COL24A1: variants seen among roughly 807,000 people sequenced by gnomAD.
The protein encoded by COL24A1 is collagen type XXIV alpha 1 chain.
Under a neutral mutation model 253.9 loss-of-function variants are expected in COL24A1, and 224 were observed. The ratio of observed to expected loss-of-function variants is 0.88; its 90% CI spans 0.79 to 0.99. COL24A1 has a LOEUF of 0.99. Among genes scored for constraint, COL24A1 ranks in the 50% least tolerant of loss-of-function variants. The pLI is 0.00. For synonymous variants in COL24A1, 685 were observed against 673.7 expected (o/e 1.02, Z -0.26); for missense variants, 2,131 against 2,068.5 (o/e 1.03, Z -0.59).
At chr1:85,934,454 C>A (rs1249395183) in intron 24 of COL24A1, among the ~76,000 whole-genome samples, 1 of 152,084 alleles carries the variant, frequency 6.6e-6, no homozygotes, top group African/African-American at 2.4e-5. Context: ...TTATACACTT[C>A]TTTGTGAACA....
intron 37 of COL24A1, among the ~76,000 whole-genome samples, chr1:85,859,170 T>C (rs952555886): frequency 6.6e-6 from 1 of 152,186 alleles, no homozygotes; most frequent in African/African-American, 2.4e-5. Flanking sequence ...TGCTGTAACA[T>C]TAACATTCAT....
chr1:85,754,736 C>T (rs1017967073), intron 55 of COL24A1, among the ~76,000 whole-genome samples: 2 of 151,394 alleles, frequency 1.3e-5, no homozygotes, highest in African/African-American at 4.9e-5. Context: ...CAGAAGTAAG[C>T]ACCAGTTAAC....
chr1:85,966,053 T>C lies in COL24A1; in HGVS notation c.2464-991A>G, dbSNP rs533715781. 1.1e-3 allele frequency among the ~76,000 whole-genome samples: 174 copies of C among 152,214 alleles called. 1 individual carries two copies. Among genetic ancestry groups the C allele is most frequent in the African/African-American group, 4.0e-3 (165 of 41,542 alleles). The stretch of plus-strand genomic sequence containing the variant: ...CCAGGGTAGAAGAAGAGAGTCCAAA[T>C]AAGCGTCTAGTACAATAATCCAAGT... On this transcript the variant is annotated intron_variant, in intron 22 of 59. Coordinates refer to ENST00000370571, the MANE Select transcript of COL24A1 (RefSeq NM_152890.7).
chr1:85,791,448 A>G (rs933582234), intron 47 of COL24A1, among the ~76,000 whole-genome samples: 9 of 152,144 alleles, frequency 5.9e-5, no homozygotes, highest in Non-Finnish European at 1.0e-4. Flanking sequence ...TAAATTTGGA[A>G]AGCATATGGT....
chr1:86,111,428 C>G (rs1025141201), intron 5 of COL24A1, among the ~76,000 whole-genome samples: 1 of 151,208 alleles, frequency 6.6e-6, no homozygotes, highest in African/African-American at 2.4e-5. Flanking sequence ...ATGGACCAAT[C>G]AGCACTCAGT....
intron 28 of COL24A1, among the ~76,000 whole-genome samples, chr1:85,899,794 G>T (rs1684092965): frequency 6.6e-6 from 1 of 152,128 alleles, no homozygotes; most frequent in African/African-American, 2.4e-5. Context: ...TCTTGTTTGG[G>T]CACAGAAATC....
intron 55 of COL24A1, among the ~76,000 whole-genome samples, chr1:85,755,785 C>G (rs1196667871): frequency 6.6e-6 from 1 of 151,518 alleles, no homozygotes; most frequent in African/African-American, 2.4e-5. Context: ...AGAGGTAAAA[C>G]TATAAAATTA....
intron 7 of COL24A1, among the ~76,000 whole-genome samples, chr1:86,082,946 T>C (rs1702760356): frequency 6.6e-6 from 1 of 151,852 alleles, no homozygotes; most frequent in Non-Finnish European, 1.5e-5. Context: ...ATAATTCGGA[T>C]TTTGGAGCAC....
chr1:85,745,259 G>A (rs1472928170), intron 56 of COL24A1, among the ~76,000 whole-genome samples, 182 bp downstream of exon 56: 2 of 151,796 alleles, frequency 1.3e-5, no homozygotes, highest in African/African-American at 2.4e-5. Context: ...AACATCCTAC[G>A]CATATATTTC....
At chr1:86,127,112 A>G (rs187990784) in intron 2 of COL24A1, among the ~76,000 whole-genome samples, 656 of 152,184 alleles carry the variant, frequency 4.3e-3, no homozygotes, top group Non-Finnish European at 7.0e-3. Context: ...AAGTCCTTTG[A>G]TAATTCCCGG....
intron 28 of COL24A1, among the ~76,000 whole-genome samples, chr1:85,897,138 T>C (rs995378796): frequency 6.6e-6 from 1 of 152,278 alleles, no homozygotes; most frequent in Non-Finnish European, 1.5e-5. Flanking sequence ...TAGAAAATGA[T>C]AGCAATGCAG....
chr1:85,950,025 C>A (rs1021479732), intron 24 of COL24A1, among the ~76,000 whole-genome samples: 3 of 152,116 alleles, frequency 2.0e-5, no homozygotes, highest in Non-Finnish European at 2.9e-5. Flanking sequence ...GGCCTTCTTA[C>A]ATTTTTAGGA....
At chr1:86,070,329 A>G (rs1701787549) in intron 7 of COL24A1, among the ~76,000 whole-genome samples, 1 of 152,190 alleles carries the variant, frequency 6.6e-6, no homozygotes, top group South Asian at 2.1e-4. Context: ...GCACACCTAC[A>G]AGATGGAAAA....
chr1:85,948,317 G>A lies in COL24A1; in HGVS notation c.2562+12932C>T, dbSNP rs567874095. 2.6e-5 allele frequency among the ~76,000 whole-genome samples: 4 copies of A among 151,864 alleles called. 1 individual carries two copies. The South Asian group carries it at 6.2e-4, about 24-fold the overall frequency. ...AGGCGGGCGGATCACGAGGTCAGGA[G>A]ATCGAGACCATCCTGGCTAACACGG... On this transcript the variant is annotated intron_variant, in intron 24 of 59. Transcript: ENST00000370571.
At chr1:85,948,479 G>C (rs972207894) in intron 24 of COL24A1, among the ~76,000 whole-genome samples, 11 of 135,452 alleles carry the variant, frequency 8.1e-5, no homozygotes, top group Non-Finnish European at 1.4e-4. Flanking sequence ...AGCCGAGATC[G>C]CGCCACTGCA....
At chr1:85,803,338 G>A (rs945303418) in intron 47 of COL24A1, among the ~76,000 whole-genome samples, 3 of 151,322 alleles carry the variant, frequency 2.0e-5, no homozygotes, top group African/African-American at 7.3e-5. Flanking sequence ...GCTGAGGCAG[G>A]AGAATCACTT....
At chr1:86,121,682 A>G (rs1415552514) in intron 3 of COL24A1, among the ~76,000 whole-genome samples, 1 of 152,170 alleles carries the variant, frequency 6.6e-6, no homozygotes, top group South Asian at 2.1e-4. Context: ...GAAATGGAAA[A>G]GAGCAATCAT....
chr1:85,730,585 T>G lies in COL24A1; in HGVS notation c.5106A>C (p.Arg1702=). The G allele has an allele frequency of 6.2e-7, 1 of 1,614,020 alleles. No individual in the cohort carries two copies. Among genetic ancestry groups the G allele is most frequent in the South Asian group, 1.1e-5 (1 of 91,070 alleles). Residue 1702 remains arginine (R), a synonymous_variant, in exon 60 of 60, where the codon CGA becomes CGC. Coordinates refer to ENST00000370571, the MANE Select transcript of COL24A1 (RefSeq NM_152890.7). The part of the protein sequence containing the change: ...VQKLPHLKTE[R]KYYIDSSSVC... Reference sequence around the variant, plus strand: ...CAGAACTGCTGTCAATGTAATACTTTCGTTCAGTTTTGAGATGAGGAAGTT... The same window carrying G: ...CAGAACTGCTGTCAATGTAATACTTGCGTTCAGTTTTGAGATGAGGAAGTT...
chr1:85,874,935 C>T (rs547456761), intron 34 of COL24A1, among the ~76,000 whole-genome samples: 38 of 152,304 alleles, frequency 2.5e-4, no homozygotes, highest in Non-Finnish European at 4.9e-4. Context: ...CATAGAAACA[C>T]GAACCCTATT....
Sources: gnomAD v4.1 joint callset for allele counts (sites outside exome capture counted in the v4.1 genomes callset) on GRCh38, gnomAD v4.1.1 for gene constraint, MANE v1.5 for transcripts, NCBI Gene and HGNC (gene_info 2026-07-23, HGNC 2026-07-21) for gene names.